The following ZER1 variants were observed in gnomAD, a reference collection of about 807,000 sequenced individuals.
The protein encoded by ZER1 is protein zer-1 homolog.
A neutral mutation model predicts 78.8 loss-of-function variants in ZER1; 11 were observed. The observed-to-expected ratio is 0.14, with a 90% CI of 0.09 to 0.23. ZER1 has a LOEUF of 0.23. Ranked by LOEUF, ZER1 falls within the 10% of genes least tolerant of loss-of-function variation. The pLI is 1.00. For missense variants in ZER1, 588 were observed against 996.9 expected, an observed-to-expected ratio of 0.59 and a Z score of 5.52; for synonymous variants, 400 against 407.0, an observed-to-expected ratio of 0.98 and a Z score of 0.21.
intron 8 of ZER1, among the ~76,000 whole-genome samples, chr9:128,743,548 A>C (rs989509285): frequency 2.1e-4 from 32 of 152,124 alleles, no homozygotes; most frequent in African/African-American, 7.7e-4. Flanking sequence ...CAGCATCCTG[A>C]GTAGCTGGTA....
rs1176953959 is a variant in ZER1, at chr9:128,766,845, CAAAAAAAA to C, written c.-95+4728_-95+4735del. On this transcript the variant is annotated intron_variant, in intron 1 of 15. Transcript: ENST00000291900. ...TGGGTGACAGAGCAAGATTCCGTCT[CAAAAAAAA>C]AAAAAAAAAAAAAAAGACCCAGTGT... Among the ~76,000 whole-genome samples, 14 of 49,654 alleles carry C rather than the reference CAAAAAAAA, an allele frequency of 2.8e-4. 1 individual carries two copies. The South Asian group carries it at 0.012, about 43-fold the overall frequency. 32.6% of individuals were successfully genotyped at this position (49,654 alleles called of 152,430 possible).
intron 8 of ZER1, among the ~76,000 whole-genome samples, chr9:128,744,220 C>T (rs1863408121): frequency 6.6e-6 from 1 of 151,138 alleles, no homozygotes; most frequent in Non-Finnish European, 1.5e-5. Context: ...TGGAGTCTCG[C>T]TCTGTTGCCA....
At position 128,753,078 on chromosome 9, in the gene ZER1, C is replaced by T; in HGVS notation, c.746+86G>A. On this transcript the variant is annotated intron_variant, in intron 4 of 15. Transcript: ENST00000291900. The surrounding 1 kb of genome is among the most constrained non-coding windows in gnomAD (Gnocchi z 7.5). Reference sequence around the variant, plus strand: ...CTCTGCCTAGCCAAGCGCTCCTGAACCCTGAGGGCGTGACAACACCCACCT... The same window carrying T: ...CTCTGCCTAGCCAAGCGCTCCTGAATCCTGAGGGCGTGACAACACCCACCT... 1 of 1,376,560 alleles carries T rather than the reference C, an allele frequency of 7.3e-7. No individual in the cohort carries two copies. Among genetic ancestry groups the T allele is most frequent in the Non-Finnish European group, 9.7e-7 (1 of 1,035,528 alleles). 85.3% of individuals were successfully genotyped at this position (1,376,560 alleles called of 1,614,324 possible).
Position 128,731,133 on chromosome 9 carries a change from C to T in ZER1, c.*204G>A, listed in dbSNP as rs1295172787. ...GAAATCATACACACAAAACTTCACA[C>T]TTCCTAACCAAAAAAAAAATATATA... On this transcript the variant is annotated 3_prime_UTR_variant, in exon 16 of 16. Transcript: ENST00000291900. 8.8e-6 allele frequency: 2 copies of T among 227,166 alleles called. No individual in the cohort carries two copies. The highest frequency in any genetic ancestry group is 1.6e-5 in the Non-Finnish European group (2 of 121,454). The allele number at this position is 227,166 out of a possible 1,614,324, so 14.1% of individuals were successfully genotyped here. A position where few individuals can be genotyped will look rare whatever the true frequency, so the allele number is the denominator to read the frequency against.
chr9:128,735,508 C>A, intron 13 of ZER1, 77 bp from the exon 14 acceptor site: 1 of 1,407,678 alleles, frequency 7.1e-7, no homozygotes, highest in East Asian at 2.4e-5. Context: ...GGTTTCCTCC[C>A]ACTGGAGAAT....
At position 128,742,052 on chromosome 9, in the gene ZER1, G is replaced by A. The variant is rs554700988; in HGVS notation, c.1576-211C>T. ...TTAGCAGGCCCGGGTGCCGTTCCTG[G>A]CCCTCGGGTGACTCCCCTGTGACTT... On this transcript the variant is annotated intron_variant, in intron 9 of 15. Coordinates refer to ENST00000291900, the MANE Select transcript of ZER1 (RefSeq NM_006336.4). 2.0e-5 allele frequency among the ~76,000 whole-genome samples: 3 copies of A among 152,346 alleles called. No individual in the cohort carries two copies. The South Asian group carries it at 6.2e-4, about 32-fold the overall frequency.
At position 128,733,476 on chromosome 9, in the gene ZER1, C is replaced by A; in HGVS notation, c.2193G>T (p.Arg731Ser). 6.2e-7 allele frequency: 1 copy of A among 1,613,898 alleles called. No individual in the cohort carries two copies. Among genetic ancestry groups the A allele is most frequent in the Non-Finnish European group, 8.5e-7 (1 of 1,179,966 alleles). ...LIKEGGMPLL[R>S]DIIKMATARQ... ...GTGCGGTCGCCATCTTAATTATGTC[C>A]CTCAGAAGGGGCATCCCCCCTTCTT... is the stretch of plus-strand genomic sequence containing the variant. Residue 731 changes from arginine (R) to serine (S), a missense_variant, in exon 15 of 16, where the codon AGG becomes AGT. Arg to Ser is a moderately radical substitution (Grantham distance 110). Transcript: ENST00000291900.
At position 128,732,235 on chromosome 9, in the gene ZER1, G is replaced by C. The variant is rs1862853262; in HGVS notation, c.2244-841C>G. ...AGAAATGTTCAAAGTGACTGTGGTAGGTAACTGGTCAGTCTTACCCAGTGC... is the reference window on the plus strand; with the variant it reads ...AGAAATGTTCAAAGTGACTGTGGTACGTAACTGGTCAGTCTTACCCAGTGC... On this transcript the variant is annotated intron_variant, in intron 15 of 15. Transcript: ENST00000291900. The surrounding 1 kb of genome is among the most constrained non-coding windows in gnomAD (Gnocchi z 4.8). Among the ~76,000 whole-genome samples, 5 of 152,196 alleles carry C rather than the reference G, an allele frequency of 3.3e-5. No homozygotes were observed. The highest frequency in any genetic ancestry group is 3.3e-4 in the Admixed American group (5 of 15,282).
chr9:128,742,476 G>GT, intron 9 of ZER1, 54 bp downstream of exon 9: 1 of 1,599,120 alleles, frequency 6.3e-7, no homozygotes, highest in Non-Finnish European at 8.6e-7. Context: ...GGGTAGAGGG[G>GT]TGGGGGAGAG....
chr9:128,734,238 C>T (rs1242060142), intron 14 of ZER1, among the ~76,000 whole-genome samples: 1 of 130,978 alleles, frequency 7.6e-6, no homozygotes, highest in African/African-American at 2.7e-5. Flanking sequence ...ACTCTGTCAC[C>T]CAGGCTGGAG....
At chr9:128,765,200 T>G (rs1289181284) in intron 1 of ZER1, among the ~76,000 whole-genome samples, 1 of 147,238 alleles carries the variant, frequency 6.8e-6, no homozygotes, top group Non-Finnish European at 1.5e-5. Context: ...CATGCCTGCA[T>G]CCATGCACAT....
At chr9:128,734,144 A>AATATATATATATATATATAC (rs1220785593) in intron 14 of ZER1, among the ~76,000 whole-genome samples, 2 of 14,444 alleles carry the variant, frequency 1.4e-4, no homozygotes, top group East Asian at 7.9e-3. Flanking sequence ...AAAAAAAAAA[A>AATATATATATATATATATAC]ATATATATAT....
intron 13 of ZER1, among the ~76,000 whole-genome samples, chr9:128,736,140 C>G (rs559047329): frequency 2.0e-5 from 3 of 151,646 alleles, no homozygotes; most frequent in African/African-American, 7.3e-5. Context: ...TTAGTAGAGA[C>G]GGGGTTTCAC....
At chr9:128,731,427 TG>T in intron 15 of ZER1, 33 bp from the exon 16 acceptor site, 5 of 396,598 alleles carry the variant, frequency 1.3e-5, no homozygotes, top group Non-Finnish European at 2.0e-5. Context: ...GATTGGAGGG[TG>T]GGCTTGGGTG....
intron 1 of ZER1, among the ~76,000 whole-genome samples, chr9:128,762,639 C>T (rs1049897303): frequency 2.0e-5 from 3 of 152,156 alleles, no homozygotes; most frequent in Non-Finnish European, 1.5e-5. Flanking sequence ...TAAAGACAAC[C>T]GTTATTATGT....
At position 128,755,349 on chromosome 9, in the gene ZER1, T is replaced by G. The variant is rs1418965771; in HGVS notation, c.158+59A>C. 2.1e-5 allele frequency: 33 copies of G among 1,597,060 alleles called. No individual in the cohort carries two copies. Among genetic ancestry groups the G allele is most frequent in the Non-Finnish European group, 2.7e-5 (31 of 1,166,428 alleles). ...CCACATAGTGCACACACGGTCCCAA[T>G]CTCTCTATACACATTCATGGTAAGA... On this transcript the variant is annotated intron_variant, in intron 2 of 15. Coordinates refer to ENST00000291900, the MANE Select transcript of ZER1 (RefSeq NM_006336.4). This position sits in a 1 kb window ranked among gnomAD's most constrained non-coding sequence, Gnocchi z 5.6.
At chr9:128,758,476 T>A (rs928417849) in intron 1 of ZER1, among the ~76,000 whole-genome samples, 2 of 151,494 alleles carry the variant, frequency 1.3e-5, no homozygotes, top group African/African-American at 4.9e-5. Context: ...TGGAGTGCAG[T>A]GGTGTGATCT....
At position 128,751,431 on chromosome 9, in the gene ZER1, C is replaced by G. The variant is rs111953295; in HGVS notation, c.1020G>C (p.Thr340=). The G allele has an allele frequency of 6.2e-7, 1 of 1,614,088 alleles. No homozygotes were observed. The highest frequency in any genetic ancestry group is 1.7e-5 in the Admixed American group (1 of 60,012). The part of the protein sequence containing the change: ...GLFENSLCRL[T]HIPAYKVSGD... ...TGCTCACTTTGTAGGCTGGAATGTG[C>G]GTGAGGCGGCACAGAGAGTTCTCAA... The change falls in exon 6 of 16, where the codon ACG becomes ACC. Residue 340 remains threonine (T), a synonymous_variant. Coordinates refer to ENST00000291900, the MANE Select transcript of ZER1 (RefSeq NM_006336.4). This position sits in a 1 kb window ranked among gnomAD's most constrained non-coding sequence, Gnocchi z 5.4.
In ZER1 at chr9:128,740,709, A is replaced by C. The variant is rs1450685351; in HGVS notation, c.1853+63T>G. ...CTAAGAGCAGTTGTGCAACTGAGCA[A>C]ACGCTAGAGCTCTGAGCATTGTGGC... On this transcript the variant is annotated intron_variant, in intron 12 of 15. Coordinates refer to ENST00000291900, the MANE Select transcript of ZER1 (RefSeq NM_006336.4). The surrounding 1 kb of genome is among the most constrained non-coding windows in gnomAD (Gnocchi z 4.4). The C allele has an allele frequency of 5.3e-6, 4 of 752,064 alleles. No individual in the cohort carries two copies. The African/African-American group carries it at 6.9e-5, about 13-fold the overall frequency. The allele number at this position is 752,064 out of a possible 1,614,324, so 46.6% of individuals were successfully genotyped here.
Sources: allele counts gnomAD v4.1 joint callset (sites outside exome capture counted in the v4.1 genomes callset), GRCh38; gene constraint gnomAD v4.1.1; non-coding constraint Gnocchi (gnomAD v3.1); transcripts MANE v1.5; gene names NCBI Gene and HGNC (gene_info 2026-07-23, HGNC 2026-07-21).